Variants in MYZAP observed in about 807,000 individuals in gnomAD.
The protein encoded by MYZAP is GRINL1A complex locus upstream.
In MYZAP, 66 loss-of-function variants were observed where a neutral mutation model predicts 69.4. The ratio of observed to expected loss-of-function variants is 0.95; its 90% CI spans 0.78 to 1.17. The LOEUF (loss-of-function observed/expected upper bound fraction) is 1.17. Among genes scored for constraint, MYZAP ranks in the 50% most tolerant of loss-of-function variants. The probability of loss-of-function intolerance (pLI) is 0.00; values close to 1 mark genes in which losing one functional copy is unlikely to be tolerated. For missense variants in MYZAP, 611 were observed against 556.2 expected (o/e 1.10, Z -0.99); for synonymous variants, 256 against 205.9 (o/e 1.24, Z -2.09).
chr15:57,593,049 G>C (rs973002671), intron 1 of MYZAP, among the ~76,000 whole-genome samples: 1 of 152,152 alleles, frequency 6.6e-6, no homozygotes, highest in Admixed American at 6.5e-5. Context: ...TGCCTTAAGC[G>C]AGTGATGGTG....
In MYZAP at chr15:57,618,030, T is replaced by C; in HGVS notation, c.163-3T>C. On this transcript the variant is annotated splice_polypyrimidine_tract_variant and splice_region_variant and intron_variant, in intron 2 of 12. Transcript: ENST00000267853. ...CTTTTTTTCTTTTCCTACTTTCTTT[T>C]AGCTTCTTGACCTGAGCAATGGAGA... 1 of 1,606,998 alleles carries C rather than the reference T, an allele frequency of 6.2e-7. No individual in the cohort carries two copies. The highest frequency in any genetic ancestry group is 8.5e-7 in the Non-Finnish European group (1 of 1,178,376).
chr15:57,607,599 A>G (rs1045650806), intron 2 of MYZAP, among the ~76,000 whole-genome samples: 1 of 152,156 alleles, frequency 6.6e-6, no homozygotes, highest in Admixed American at 6.5e-5. Flanking sequence ...TGAGAACTCC[A>G]AGGCCCTGAG....
At chr15:57,595,121 A>G (rs1224181165) in intron 1 of MYZAP, among the ~76,000 whole-genome samples, 5 of 152,128 alleles carry the variant, frequency 3.3e-5, no homozygotes, top group Admixed American at 3.3e-4. Context: ...CTGGACTGCC[A>G]CCAGTTAGCC....
Position 57,682,808 on chromosome 15 carries a change from G to A in MYZAP, c.1305-1594G>A, listed in dbSNP as rs2039510643. On this transcript the variant is annotated intron_variant, in intron 12 of 12. Coordinates refer to ENST00000267853, the MANE Select transcript of MYZAP (RefSeq NM_001018100.5). ...ACAAACTGTGTGCTCACCCATCTCT[G>A]CCTTACACATACTGCCCCTTCTTCC... is the stretch of plus-strand genomic sequence containing the variant. Among the ~76,000 whole-genome samples, 3 of 152,118 alleles carry A rather than the reference G, an allele frequency of 2.0e-5. No homozygotes were observed. The South Asian group carries it at 6.2e-4, about 32-fold the overall frequency.
chr15:57,632,503 G>A lies in MYZAP; in HGVS notation c.748G>A (p.Glu250Lys). Residue 250 changes from glutamate (E) to lysine (K), a missense_variant, in exon 7 of 13, where the codon GAG (glutamate) becomes AAG (lysine). Coordinates refer to ENST00000267853, the MANE Select transcript of MYZAP (RefSeq NM_001018100.5). ...EMTKKLYSQY[E>K]EKLQEEQRKH... ...GACCAAGAAGCTGTACAGCCAGTAT[G>A]AGGAGAAGCTGCAGGAAGAACAGAG... The A allele has an allele frequency of 1.9e-6, 3 of 1,614,252 alleles. No homozygotes were observed. The highest frequency in any genetic ancestry group is 2.5e-6 in the Non-Finnish European group (3 of 1,180,034).
intron 10 of MYZAP, chr15:57,648,214 G>T (rs1446521008): frequency 7.2e-5 from 71 of 985,144 alleles, no homozygotes; most frequent in African/African-American, 8.7e-5. Context: ...TGTGTTATAT[G>T]TATTATTTAA....
chr15:57,632,633 G>C, intron 7 of MYZAP, 74 bp downstream of exon 7: 4 of 1,580,260 alleles, frequency 2.5e-6, no homozygotes, highest in Non-Finnish European at 3.4e-6. Context: ...TGTATACGTA[G>C]TAGTGTTTAT....
intron 10 of MYZAP, among the ~76,000 whole-genome samples, chr15:57,650,594 C>T (rs570395835): frequency 3.3e-5 from 5 of 152,262 alleles, no homozygotes; most frequent in African/African-American, 1.2e-4. Flanking sequence ...ATTCAGTTTC[C>T]TTATCAATAA....
intron 4 of MYZAP, among the ~76,000 whole-genome samples, chr15:57,624,675 A>G (rs2036019554): frequency 6.6e-6 from 1 of 152,092 alleles, no homozygotes; most frequent in Admixed American, 6.5e-5. Flanking sequence ...TCATTTTCTC[A>G]TGCTAGAATT....
Position 57,675,059 on chromosome 15 carries a change from T to C in MYZAP, c.1295T>C (p.Leu432Pro), listed in dbSNP as rs1048238357. The change falls in exon 12 of 13, where the codon CTT becomes CCT. Residue 432 changes from leucine (L) to proline (P), a missense_variant. Physicochemically the swap from Leu to Pro is moderately conservative, Grantham distance 98. Transcript: ENST00000267853. ...AGAGAGATAGGAGTGGGCTGTGATC[T>C]TCTACCCAGGTATTTAGGAATTTCC... ...ETREIGVGCD[L>P]LPSQTGRTRE... 1 of 1,608,394 alleles carries C rather than the reference T, an allele frequency of 6.2e-7. No homozygotes were observed. Among genetic ancestry groups the C allele is most frequent in the Non-Finnish European group, 8.5e-7 (1 of 1,178,184 alleles).
At chr15:57,675,112 T>G (rs2039055566) in intron 12 of MYZAP, 44 bp downstream of exon 12, 1 of 1,523,490 alleles carries the variant, frequency 6.6e-7, no homozygotes, top group African/African-American at 1.4e-5. Context: ...CAAATTCCTC[T>G]TTGGCTGAAG....
intron 2 of MYZAP, among the ~76,000 whole-genome samples, chr15:57,612,319 G>A (rs1191578969): frequency 1.3e-5 from 2 of 152,210 alleles, no homozygotes; most frequent in African/African-American, 4.8e-5. Flanking sequence ...CTCCTGGCTG[G>A]TGGGGCGGGG....
At chr15:57,600,747 C>T (rs973900709) in intron 1 of MYZAP, among the ~76,000 whole-genome samples, 1 of 152,186 alleles carries the variant, frequency 6.6e-6, no homozygotes, top group Non-Finnish European at 1.5e-5. Flanking sequence ...AGGTCTGTTT[C>T]ATTTTGAAGC....
At chr15:57,649,048 A>T (rs76405870) in intron 10 of MYZAP, among the ~76,000 whole-genome samples, 90 of 152,056 alleles carry the variant, frequency 5.9e-4, no homozygotes, top group African/African-American at 2.0e-3. Context: ...TTTGCAACTT[A>T]TTTCTCAGTT....
intron 12 of MYZAP, among the ~76,000 whole-genome samples, chr15:57,678,416 A>G (rs1466861948): frequency 1.3e-5 from 2 of 152,206 alleles, no homozygotes; most frequent in Non-Finnish European, 2.9e-5. Context: ...TAACTGGACC[A>G]GAGTTAAGCA....
At chr15:57,661,208 A>G (rs1270579283) in intron 10 of MYZAP, among the ~76,000 whole-genome samples, 2 of 152,210 alleles carry the variant, frequency 1.3e-5, no homozygotes, top group East Asian at 1.9e-4. Context: ...TGCTGCCCCA[A>G]GCTCACCTGT....
At chr15:57,636,874 A>G (rs2036848530) in intron 8 of MYZAP, among the ~76,000 whole-genome samples, 1 of 152,176 alleles carries the variant, frequency 6.6e-6, no homozygotes, top group Non-Finnish European at 1.5e-5. Flanking sequence ...AAACAACACA[A>G]ATGTATTATG....
chr15:57,655,477 T>G (rs1253760053), intron 10 of MYZAP, among the ~76,000 whole-genome samples: 1 of 152,158 alleles, frequency 6.6e-6, no homozygotes, highest in African/African-American at 2.4e-5. Context: ...TCTGCATTCC[T>G]GGTACCAGAG....
intron 11 of MYZAP, among the ~76,000 whole-genome samples, chr15:57,671,899 G>A (rs1371831413): frequency 2.0e-5 from 3 of 152,130 alleles, no homozygotes; most frequent in Non-Finnish European, 4.4e-5. Context: ...TCCCTTAGGA[G>A]TGGGTACTAT....
Sources: allele counts gnomAD v4.1 joint callset (sites outside exome capture counted in the v4.1 genomes callset), GRCh38; gene constraint gnomAD v4.1.1; transcripts MANE v1.5; gene names NCBI Gene and HGNC (gene_info 2026-07-23, HGNC 2026-07-21).